The following RBM33 variants were observed in gnomAD, a reference collection of about 807,000 sequenced individuals.
RBM33 encodes the protein RNA-binding protein 33.
RBM33 carries 28 observed loss-of-function variants against 132.6 expected under a neutral mutation model. The ratio of observed to expected loss-of-function variants is 0.21; its 90% CI spans 0.16 to 0.29. The LOEUF is 0.29. RBM33 is among the 10% of genes least tolerant of loss of function. RBM33 has a pLI of 1.00. For missense variants in RBM33, 1,291 were observed against 1,518.5 expected (o/e 0.85, Z 2.49); for synonymous variants, 634 against 593.0 (o/e 1.07, Z -1.01).
At chr7:155,657,830 T>C (rs1490415935) in intron 1 of RBM33, among the ~76,000 whole-genome samples, 1 of 151,826 alleles carries the variant, frequency 6.6e-6, no homozygotes, top group Non-Finnish European at 1.5e-5. Flanking sequence ...ATGCTCCTTG[T>C]TTTCATGAAG....
intron 2 of RBM33, among the ~76,000 whole-genome samples, chr7:155,671,039 A>C (rs541489951): frequency 6.6e-6 from 1 of 152,260 alleles, no homozygotes; most frequent in African/African-American, 2.4e-5. Context: ...CTGGCATCAC[A>C]TTCCATTTTT....
intron 9 of RBM33, among the ~76,000 whole-genome samples, chr7:155,726,908 T>C (rs1390840049): frequency 6.6e-6 from 1 of 152,278 alleles, no homozygotes; most frequent in African/African-American, 2.4e-5. Context: ...TAACTTTAGT[T>C]AATTCACTTT....
chr7:155,719,222 A>C (rs1800553624), intron 9 of RBM33, among the ~76,000 whole-genome samples: 1 of 152,104 alleles, frequency 6.6e-6, no homozygotes, highest in African/African-American at 2.4e-5. Context: ...ACTGACCATA[A>C]AATTTTAATG....
rs772611840 is a variant in RBM33, at chr7:155,742,041, G to A, written c.2272G>A (p.Glu758Lys). 2 of 1,614,000 alleles carry A rather than the reference G, an allele frequency of 1.2e-6. No individual in the cohort carries two copies. The highest frequency in any genetic ancestry group is 1.7e-6 in the Non-Finnish European group (2 of 1,179,896). The change falls in exon 13 of 18, where the codon GAA (glutamate) becomes AAA (lysine). Residue 758 changes from glutamate to lysine, a missense_variant. Coordinates refer to ENST00000401878, the MANE Select transcript of RBM33 (RefSeq NM_053043.3). ...TTCCAGAAGCTCACAGGGAAAGACG[G>A]AAGTGAAAGTCAAGCCAGCTAGCCC... ...AGSRSSQGKT[E>K]VKVKPASPVA...
intron 1 of RBM33, among the ~76,000 whole-genome samples, chr7:155,659,478 G>A (rs566617658): frequency 6.6e-6 from 1 of 152,206 alleles, no homozygotes; most frequent in South Asian, 2.1e-4. Context: ...GAGGGGATCA[G>A]TAGCAGATTT....
intron 3 of RBM33, among the ~76,000 whole-genome samples, chr7:155,675,759 C>G (rs766870244): frequency 2.4e-4 from 36 of 152,124 alleles, no homozygotes; most frequent in Non-Finnish European, 4.6e-4. Context: ...AAGAGGAATT[C>G]TGGCCTGAGG....
At chr7:155,720,417 C>G (rs1360854301) in intron 9 of RBM33, among the ~76,000 whole-genome samples, 1 of 152,096 alleles carries the variant, frequency 6.6e-6, no homozygotes, top group East Asian at 1.9e-4. Flanking sequence ...TTTTAAAAAG[C>G]CCACCAGTCT....
chr7:155,670,832 C>T (rs1022703439), intron 2 of RBM33, among the ~76,000 whole-genome samples: 8 of 152,196 alleles, frequency 5.3e-5, no homozygotes, highest in African/African-American at 1.2e-4. Context: ...TACTAGTCTT[C>T]ATTTTCTCTA....
chr7:155,772,933 T>G (rs1310471605), intron 16 of RBM33, among the ~76,000 whole-genome samples: 1 of 152,242 alleles, frequency 6.6e-6, no homozygotes, highest in African/African-American at 2.4e-5. Flanking sequence ...CTAGTCTTGT[T>G]TACTGATAGA....
At chr7:155,659,537 A>G (rs188458719) in intron 1 of RBM33, among the ~76,000 whole-genome samples, 3 of 152,250 alleles carry the variant, frequency 2.0e-5, no homozygotes, top group Admixed American at 2.0e-4. Flanking sequence ...AGATGATCCC[A>G]TTGGAAGAGC....
rs977915050 is a variant in RBM33, at chr7:155,680,650, C to G, written c.309C>G (p.Leu103=). The G allele has an allele frequency of 1.2e-6, 2 of 1,609,384 alleles. No homozygotes were observed. Among genetic ancestry groups the G allele is most frequent in the African/African-American group, 2.7e-5 (2 of 74,816 alleles). ...CTGGCATGGTTACATCATTTGAACT[C>G]TCTGACAACACTAACGACCAATCTG... ...ATSGMVTSFE[L]SDNTNDQSGE... Residue 103 remains leucine (L), a synonymous_variant, in exon 5 of 18, where the codon CTC becomes CTG. Coordinates refer to ENST00000401878, the MANE Select transcript of RBM33 (RefSeq NM_053043.3).
Position 155,777,002 on chromosome 7 carries a change from ACTTT to A in RBM33, c.*1962_*1965del, listed in dbSNP as rs1409280608. ...GGGCAGTGGGAAGGCCTACCGACTT[ACTTT>A]ATCATTGAGGGCTTACTGATACAAT... On this transcript the variant is annotated 3_prime_UTR_variant, in exon 18 of 18. Transcript: ENST00000401878. The A allele has an allele frequency of 6.6e-6, 1 of 152,036 alleles. No individual in the cohort carries two copies. The highest frequency in any genetic ancestry group is 1.5e-5 in the Non-Finnish European group (1 of 68,016). The allele number at this position is 152,036 out of a possible 1,614,324, so 9.4% of individuals were successfully genotyped here.
chr7:155,649,721 C>G lies in RBM33; in HGVS notation c.43+4802C>G, dbSNP rs529989978. Among the ~76,000 whole-genome samples the G allele has an allele frequency of 5.3e-5, 8 of 152,246 alleles. No individual in the cohort carries two copies. The South Asian group carries it at 1.7e-3, about 32-fold the overall frequency. On this transcript the variant is annotated intron_variant, in intron 1 of 17. Transcript: ENST00000401878. ...CCTTGTCTCCTGTGGTCACTGATGTCTCCATTGTGTTGTATCATTGCCCAG... is the reference window on the plus strand; with the variant it reads ...CCTTGTCTCCTGTGGTCACTGATGTGTCCATTGTGTTGTATCATTGCCCAG...
chr7:155,683,639 C>T (rs923722678), intron 5 of RBM33, among the ~76,000 whole-genome samples: 13 of 152,128 alleles, frequency 8.5e-5, no homozygotes, highest in Admixed American at 7.9e-4. Context: ...GCTGTCCTTT[C>T]CTGTGAATGT....
In RBM33 at chr7:155,665,161, G is replaced by T. The variant is rs760176227; in HGVS notation, c.44-14G>T. ...TAACTTAGTAAAACTGACTTCAATG[G>T]ACTGTTCTCATAGATGATGACTTTG... On this transcript the variant is annotated splice_polypyrimidine_tract_variant and intron_variant, in intron 1 of 17. Coordinates refer to ENST00000401878, the MANE Select transcript of RBM33 (RefSeq NM_053043.3). The T allele has an allele frequency of 1.2e-6, 2 of 1,612,654 alleles. No homozygotes were observed. The highest frequency in any genetic ancestry group is 1.7e-5 in the Admixed American group (1 of 60,016).
chr7:155,711,493 C>A, intron 8 of RBM33, 38 bp downstream of exon 8: 1 of 1,285,910 alleles, frequency 7.8e-7, no homozygotes, highest in South Asian at 1.9e-5. Flanking sequence ...GCATAGATGG[C>A]CCCAGCTTCC....
At chr7:155,730,230 A>G (rs1800916066) in intron 9 of RBM33, among the ~76,000 whole-genome samples, 1 of 152,210 alleles carries the variant, frequency 6.6e-6, no homozygotes, top group South Asian at 2.1e-4. Context: ...CATTCAAGAG[A>G]CAGAGTTTCT....
At chr7:155,748,351 G>A (rs946826287) in intron 14 of RBM33, among the ~76,000 whole-genome samples, 3 of 151,956 alleles carry the variant, frequency 2.0e-5, no homozygotes, top group African/African-American at 7.3e-5. Context: ...TATTCTTCAC[G>A]TCTCTAGACA....
chr7:155,769,856 G>A (rs1421948016), intron 16 of RBM33, among the ~76,000 whole-genome samples: 1 of 152,230 alleles, frequency 6.6e-6, no homozygotes, highest in Non-Finnish European at 1.5e-5. Flanking sequence ...AAGAACAGAT[G>A]TGTGTGGGCA....
Sources: gnomAD v4.1 joint callset for allele counts (sites outside exome capture counted in the v4.1 genomes callset) on GRCh38, gnomAD v4.1.1 for gene constraint, MANE v1.5 for transcripts, NCBI Gene and HGNC (gene_info 2026-07-23, HGNC 2026-07-21) for gene names.